The following PPP1R9A variants were observed in gnomAD, a reference collection of about 807,000 sequenced individuals.
The protein encoded by PPP1R9A is neurabin-1.
A neutral mutation model predicts 141.9 loss-of-function variants in PPP1R9A; 59 were observed. The ratio of observed to expected loss-of-function variants is 0.42; its 90% CI spans 0.34 to 0.52. PPP1R9A has a LOEUF of 0.52. PPP1R9A is among the 20% of genes least tolerant of loss of function. PPP1R9A has a pLI of 0.10. For missense variants in PPP1R9A, 1,444 were observed against 1,611.9 expected (o/e 0.90, Z 1.78); for synonymous variants, 500 against 569.7 (o/e 0.88, Z 1.74).
intron 2 of PPP1R9A, among the ~76,000 whole-genome samples, chr7:94,961,997 G>T (rs749107894): frequency 9.2e-5 from 14 of 151,852 alleles, no homozygotes; most frequent in East Asian, 3.9e-4. Context: ...ATTGGGTTTC[G>T]GGATAGAAAC....
chr7:95,180,995 C>T (rs1427081806), intron 5 of PPP1R9A, among the ~76,000 whole-genome samples: 1 of 151,610 alleles, frequency 6.6e-6, no homozygotes, highest in Non-Finnish European at 1.5e-5. Flanking sequence ...AGTAGAACTA[C>T]CATGTGATCC....
At chr7:95,275,655 G>A (rs1803033947) in intron 16 of PPP1R9A, among the ~76,000 whole-genome samples, 1 of 152,032 alleles carries the variant, frequency 6.6e-6, no homozygotes. Context: ...ATAGACTAAG[G>A]AAGAAACACA....
At chr7:95,113,350 A>G (rs1009860617) in intron 3 of PPP1R9A, among the ~76,000 whole-genome samples, 2 of 152,196 alleles carry the variant, frequency 1.3e-5, no homozygotes, top group Admixed American at 1.3e-4. Flanking sequence ...TAATAATCAT[A>G]GAAGAAAAAT....
intron 18 of PPP1R9A, among the ~76,000 whole-genome samples, chr7:95,287,289 T>C (rs1428612825): frequency 2.0e-5 from 3 of 152,214 alleles, no homozygotes; most frequent in African/African-American, 4.8e-5. Flanking sequence ...TCTCTGCCTT[T>C]GTCATATCTT....
intron 2 of PPP1R9A, among the ~76,000 whole-genome samples, chr7:94,956,912 G>A (rs1340187298): frequency 6.6e-6 from 1 of 152,108 alleles, no homozygotes; most frequent in Non-Finnish European, 1.5e-5. Flanking sequence ...AGAAATATAG[G>A]TAATTATAAG....
In PPP1R9A at chr7:95,269,439, C is replaced by G; in HGVS notation, c.3056C>G (p.Ser1019Cys). ...GDTSLFSTSK[S>C]DHDVEESPCH... Reference sequence around the variant, plus strand: ...ACTTCACTGTTTTCTACTTCAAAGTCTGATCATGATGTGGAAGAATCTCCT... The same window carrying G: ...ACTTCACTGTTTTCTACTTCAAAGTGTGATCATGATGTGGAAGAATCTCCT... Residue 1019 changes from serine (S) to cysteine (C), a missense_variant, in exon 14 of 20, where the codon TCT becomes TGT. By Grantham distance (112) the Ser-to-Cys change is moderately radical. This residue lies in a region of PPP1R9A where 459 missense variants were observed against 513.8 expected (regional missense o/e 0.89). Transcript: ENST00000433360. 6.3e-7 allele frequency: 1 copy of G among 1,592,546 alleles called. No individual in the cohort carries two copies. The highest frequency in any genetic ancestry group is 8.5e-7 in the Non-Finnish European group (1 of 1,174,228).
chr7:95,041,612 T>C (rs1809253443), intron 2 of PPP1R9A, among the ~76,000 whole-genome samples: 1 of 152,110 alleles, frequency 6.6e-6, no homozygotes, highest in Admixed American at 6.6e-5. Flanking sequence ...ATGTTCCTAT[T>C]GCAAAGGCTG....
At chr7:95,005,983 A>G (rs1477047176) in intron 2 of PPP1R9A, among the ~76,000 whole-genome samples, 1 of 152,070 alleles carries the variant, frequency 6.6e-6, no homozygotes, top group Non-Finnish European at 1.5e-5. Context: ...ATCTACACTT[A>G]TTTTTAGCAT....
chr7:94,955,955 C>G (rs1256992694), intron 2 of PPP1R9A, among the ~76,000 whole-genome samples: 1 of 152,102 alleles, frequency 6.6e-6, no homozygotes, highest in Non-Finnish European at 1.5e-5. Flanking sequence ...ACTGGGATCT[C>G]GCTATCTGCT....
chr7:94,998,584 A>G, intron 2 of PPP1R9A, among the ~76,000 whole-genome samples: 1 of 152,112 alleles, frequency 6.6e-6, no homozygotes, highest in East Asian at 1.9e-4. Flanking sequence ...TAATCTTTGT[A>G]TGGCGCATTG....
chr7:94,911,020 C>G lies in PPP1R9A; in HGVS notation c.907C>G (p.Pro303Ala). 1 of 1,614,132 alleles carries G rather than the reference C, an allele frequency of 6.2e-7. No homozygotes were observed. Among genetic ancestry groups the G allele is most frequent in the Non-Finnish European group, 8.5e-7 (1 of 1,180,000 alleles). ...TGAAGAGATCCAGCAGAGCAAGGAA[C>G]CCGAGGACTCCACATCTAATCAACA... is the stretch of plus-strand genomic sequence containing the variant. Reference protein sequence around the residue: ...PGEEIQQSKEPEDSTSNQQTP... With the variant: ...PGEEIQQSKEAEDSTSNQQTP... The change falls in exon 2 of 20, where the codon CCC (proline) becomes GCC (alanine). Residue 303 changes from proline to alanine, a missense_variant. Around this residue, in one of 5 missense-constraint regions of PPP1R9A, gnomAD observed 490 missense variants for 521.1 expected, o/e 0.94. Coordinates refer to ENST00000433360, the MANE Select transcript of PPP1R9A (RefSeq NM_001166160.2).
intron 2 of PPP1R9A, among the ~76,000 whole-genome samples, chr7:95,087,783 TA>T (rs1816823005): frequency 6.6e-6 from 1 of 151,536 alleles, no homozygotes; most frequent in South Asian, 2.1e-4. Flanking sequence ...TAATCCCAGC[TA>T]CTCAGGAGGC....
At chr7:95,086,681 T>C (rs1166646048) in intron 2 of PPP1R9A, among the ~76,000 whole-genome samples, 4 of 152,040 alleles carry the variant, frequency 2.6e-5, no homozygotes, top group Non-Finnish European at 4.4e-5. Context: ...TTTTGTTTAC[T>C]TTTATTCTTT....
At chr7:95,171,605 A>G (rs554050324) in intron 5 of PPP1R9A, among the ~76,000 whole-genome samples, 2 of 151,758 alleles carry the variant, frequency 1.3e-5, no homozygotes, top group Admixed American at 6.6e-5. Context: ...GTTAAATTTT[A>G]TGGAAGACAG....
Position 95,073,082 on chromosome 7 carries a change from T to C in PPP1R9A, c.1396-38177T>C, listed in dbSNP as rs1216606682. On this transcript the variant is annotated intron_variant, in intron 2 of 19. Coordinates refer to ENST00000433360, the MANE Select transcript of PPP1R9A (RefSeq NM_001166160.2). ...CTCACTGTGAGCTCCGCTTCCTGAG[T>C]TCAAGCGATTCTACTGCCTTATCCT... Among the ~76,000 whole-genome samples, 6 of 147,400 alleles carry C rather than the reference T, an allele frequency of 4.1e-5. No individual in the cohort carries two copies. In the South Asian group the frequency reaches 1.3e-3, roughly 31 times the overall value.
At chr7:95,152,887 C>CCTCCAGG (rs1473156077) in intron 4 of PPP1R9A, among the ~76,000 whole-genome samples, 10 of 146,866 alleles carry the variant, frequency 6.8e-5, no homozygotes, top group Non-Finnish European at 8.9e-5. Flanking sequence ...CTCACTCTGT[C>CCTCCAGG]CTCCAGGCTG....
intron 2 of PPP1R9A, among the ~76,000 whole-genome samples, chr7:94,961,945 G>A (rs1797690619): frequency 1.3e-5 from 2 of 151,838 alleles, no homozygotes; most frequent in African/African-American, 4.8e-5. Flanking sequence ...GTGCCTAAAA[G>A]TATTCTATGA....
intron 2 of PPP1R9A, among the ~76,000 whole-genome samples, chr7:94,972,476 C>T (rs1045704547): frequency 3.3e-5 from 5 of 151,934 alleles, no homozygotes; most frequent in Non-Finnish European, 5.9e-5. Context: ...CTACCTTGGC[C>T]CTGACTCAGC....
intron 2 of PPP1R9A, among the ~76,000 whole-genome samples, chr7:95,080,952 C>G (rs1381031970): frequency 6.6e-6 from 1 of 152,128 alleles, no homozygotes; most frequent in East Asian, 1.9e-4. Context: ...GGTAAGATGT[C>G]AATTAAAACA....
Sources: gnomAD v4.1 joint callset for allele counts (sites outside exome capture counted in the v4.1 genomes callset) on GRCh38, gnomAD v4.1.1 for gene constraint, gnomAD v4.1.1 regional missense constraint, MANE v1.5 for transcripts, NCBI Gene and HGNC (gene_info 2026-07-23, HGNC 2026-07-21) for gene names.